The following BABAM2 variants were observed in gnomAD, a reference collection of about 807,000 sequenced individuals.
BABAM2 encodes the protein BRISC and BRCA1 A complex member 2, also known as BRISC and BRCA1-A complex member 2.
Under a neutral mutation model 54.7 loss-of-function variants are expected in BABAM2, and 31 were observed. The ratio of observed to expected loss-of-function variants is 0.57; its 90% CI spans 0.43 to 0.77. The LOEUF is 0.77. Ranked by LOEUF, BABAM2 falls within the 30% of genes least tolerant of loss-of-function variation. BABAM2 has a pLI of 0.00. For synonymous variants in BABAM2, 167 were observed against 162.9 expected (o/e 1.03, Z -0.19); for missense variants, 364 against 455.8 (o/e 0.80, Z 1.83).
At chr2:28,208,930 C>A (rs778292229) in intron 7 of BABAM2, among the ~76,000 whole-genome samples, 1 of 152,078 alleles carries the variant, frequency 6.6e-6, no homozygotes, top group Non-Finnish European at 1.5e-5. Flanking sequence ...GCCCTTTCTC[C>A]TTGGAAATTG....
intron 11 of BABAM2, among the ~76,000 whole-genome samples, chr2:28,303,930 G>C (rs930422065): frequency 6.6e-6 from 1 of 151,952 alleles, no homozygotes; most frequent in Non-Finnish European, 1.5e-5. Flanking sequence ...GCCCAGGCTA[G>C]AGTACCGTGG....
intron 10 of BABAM2, among the ~76,000 whole-genome samples, chr2:28,247,706 C>T (rs944764910): frequency 3.9e-5 from 6 of 152,150 alleles, no homozygotes; most frequent in African/African-American, 1.2e-4. Flanking sequence ...CCCCTTCCTC[C>T]CTATTCTCCT....
intron 11 of BABAM2, among the ~76,000 whole-genome samples, chr2:28,326,525 G>C (rs1024548711): frequency 1.5e-4 from 23 of 152,288 alleles, no homozygotes; most frequent in African/African-American, 4.3e-4. Context: ...AGCCCAGCCA[G>C]GTGCACCCAT....
chr2:28,240,726 A>G (rs920765937), intron 8 of BABAM2, among the ~76,000 whole-genome samples: 31 of 151,852 alleles, frequency 2.0e-4, no homozygotes, highest in African/African-American at 6.5e-4. Flanking sequence ...AAAAATTAGC[A>G]GGGCATAGTG....
At chr2:28,298,305 C>A in intron 10 of BABAM2, 33 bp from the exon 11 acceptor site, 1 of 1,605,038 alleles carries the variant, frequency 6.2e-7, no homozygotes, top group South Asian at 1.1e-5. Context: ...TGTTTATGCT[C>A]TAACTTTCTT....
At chr2:28,297,920 CTTGAAGAGTTTA>C (rs1572368633) in intron 10 of BABAM2, among the ~76,000 whole-genome samples, 1 of 152,176 alleles carries the variant, frequency 6.6e-6, no homozygotes, top group East Asian at 1.9e-4. Flanking sequence ...TTGCCCAACC[CTTGAAGAGTTTA>C]TGTTATAATA....
At chr2:28,289,641 A>C (rs1415997419) in intron 10 of BABAM2, among the ~76,000 whole-genome samples, 1 of 152,142 alleles carries the variant, frequency 6.6e-6, no homozygotes, top group Non-Finnish European at 1.5e-5. Flanking sequence ...AAATACAAAA[A>C]TTAGCTGGGC....
intron 11 of BABAM2, among the ~76,000 whole-genome samples, chr2:28,323,313 A>AGG (rs1420392227): frequency 2.0e-5 from 3 of 152,254 alleles, no homozygotes; most frequent in Admixed American, 6.5e-5. Flanking sequence ...CTGGAGACAA[A>AGG]GGGGAGATAG....
chr2:28,096,363 G>A (rs1290572151), intron 6 of BABAM2, among the ~76,000 whole-genome samples: 2 of 139,630 alleles, frequency 1.4e-5, no homozygotes, highest in Non-Finnish European at 3.1e-5. Flanking sequence ...ACAATTTTAG[G>A]TATTGTTGAT....
chr2:28,078,102 A>G (rs79063311), intron 6 of BABAM2, among the ~76,000 whole-genome samples: 3,919 of 152,220 alleles, frequency 0.026, 71 homozygotes, highest in Non-Finnish European at 0.039. Flanking sequence ...ATCTCATGAC[A>G]TCCGGCTCTG....
chr2:27,898,716 T>G (rs1288276295), intron 2 of BABAM2, among the ~76,000 whole-genome samples: 1 of 152,172 alleles, frequency 6.6e-6, no homozygotes, highest in Non-Finnish European at 1.5e-5. Context: ...TGATTCCGTT[T>G]ATGTGACGTG....
chr2:28,093,367 A>G (rs1324339243), intron 6 of BABAM2, among the ~76,000 whole-genome samples: 3 of 152,210 alleles, frequency 2.0e-5, no homozygotes, highest in African/African-American at 7.2e-5. Context: ...GCTAGTAAAT[A>G]GGAAAGTGGG....
At chr2:28,279,629 A>G (rs1274378846) in intron 10 of BABAM2, among the ~76,000 whole-genome samples, 1 of 149,754 alleles carries the variant, frequency 6.7e-6, no homozygotes, top group Non-Finnish European at 1.5e-5. Flanking sequence ...CCCTTACCAT[A>G]AGGGTTAGTG....
rs1166950049 is a variant in BABAM2, at chr2:28,227,020, G to A, written c.681-10182G>A. On this transcript the variant is annotated intron_variant, in intron 7 of 11. Coordinates refer to ENST00000379624, the MANE Select transcript of BABAM2 (RefSeq NM_199191.3). Reference sequence around the variant, plus strand: ...GGGCAGGGTTGCTTGTGAGCAGGTTGAGTTACAAGTTCTGAGTTCAAGAAA... The same window carrying A: ...GGGCAGGGTTGCTTGTGAGCAGGTTAAGTTACAAGTTCTGAGTTCAAGAAA... Among the ~76,000 whole-genome samples, 4 of 152,082 alleles carry A rather than the reference G, an allele frequency of 2.6e-5. No individual in the cohort carries two copies. The East Asian group carries it at 7.7e-4, about 29-fold the overall frequency.
chr2:28,317,747 T>A (rs1689684120), intron 11 of BABAM2, among the ~76,000 whole-genome samples: 1 of 152,204 alleles, frequency 6.6e-6, no homozygotes, highest in South Asian at 2.1e-4. Context: ...CTGGAAAACA[T>A]GAATTTGCTG....
chr2:28,287,563 A>G (rs1572347985), intron 10 of BABAM2, among the ~76,000 whole-genome samples: 2 of 152,238 alleles, frequency 1.3e-5, no homozygotes, highest in East Asian at 3.8e-4. Context: ...AAAGATAAGT[A>G]CACTGAAATT....
At chr2:28,008,375 AG>A (rs1300516748) in intron 4 of BABAM2, among the ~76,000 whole-genome samples, 1 of 152,190 alleles carries the variant, frequency 6.6e-6, no homozygotes, top group Non-Finnish European at 1.5e-5. Flanking sequence ...TACTTGTAGC[AG>A]GGGCTACGAA....
intron 3 of BABAM2, among the ~76,000 whole-genome samples, chr2:27,981,281 AATTT>A (rs1236544078): frequency 1.3e-5 from 2 of 152,142 alleles, no homozygotes; most frequent in African/African-American, 4.8e-5. Flanking sequence ...AACACTTTGT[AATTT>A]ATTTAAGATC....
At chr2:27,905,843 A>G (rs549547091) in intron 2 of BABAM2, among the ~76,000 whole-genome samples, 3 of 152,304 alleles carry the variant, frequency 2.0e-5, no homozygotes, top group South Asian at 2.1e-4. Context: ...TTGCAAATCT[A>G]CGGAGGTAGG....
Sources: gnomAD v4.1 joint callset for allele counts (sites outside exome capture counted in the v4.1 genomes callset) on GRCh38, gnomAD v4.1.1 for gene constraint, MANE v1.5 for transcripts, NCBI Gene and HGNC (gene_info 2026-07-23, HGNC 2026-07-21) for gene names.